Variants in ABCB5 observed in about 807,000 individuals in gnomAD.
The protein encoded by ABCB5 is ATP-binding cassette sub-family B member 5.
ABCB5 carries 155 observed loss-of-function variants against 144.2 expected under a neutral mutation model. The ratio of observed to expected loss-of-function variants is 1.08; its 90% CI spans 0.94 to 1.23. ABCB5 has a LOEUF of 1.23. Ranked by LOEUF, ABCB5 falls within the 50% of genes most tolerant of loss-of-function variation. The pLI, the probability that ABCB5 is intolerant of heterozygous loss-of-function variation, is 0.00. For synonymous variants in ABCB5, 610 were observed against 528.6 expected (o/e 1.15, Z -2.11); for missense variants, 1,830 against 1,520.8 (o/e 1.20, Z -3.38).
At chr7:20,621,769 T>C (rs1562525147) in intron 1 of ABCB5, among the ~76,000 whole-genome samples, 1 of 152,138 alleles carries the variant, frequency 6.6e-6, no homozygotes, top group Non-Finnish European at 1.5e-5. Flanking sequence ...AGTAATAAAA[T>C]CAACGCCTTG....
intron 1 of ABCB5, among the ~76,000 whole-genome samples, chr7:20,620,586 T>G (rs1165261796): frequency 6.6e-6 from 1 of 151,436 alleles, no homozygotes; most frequent in African/African-American, 2.4e-5. Context: ...GGGCAACAGA[T>G]TTGAATAGAC....
chr7:20,717,437 CTTTTTTT>C (rs557306157), intron 20 of ABCB5, among the ~76,000 whole-genome samples: 1 of 133,002 alleles, frequency 7.5e-6, no homozygotes, highest in Non-Finnish European at 1.6e-5. Flanking sequence ...CAGATTTCCT[CTTTTTTT>C]TTTTTTTTTT....
chr7:20,618,511 C>T (rs1783734936), intron 1 of ABCB5, among the ~76,000 whole-genome samples: 1 of 152,058 alleles, frequency 6.6e-6, no homozygotes, highest in Non-Finnish European at 1.5e-5. Flanking sequence ...TCCCTTCGCC[C>T]AGGTAGTGAG....
At chr7:20,732,369 T>C (rs759631008) in intron 23 of ABCB5, among the ~76,000 whole-genome samples, 12 of 152,370 alleles carry the variant, frequency 7.9e-5, no homozygotes, top group Non-Finnish European at 1.6e-4. Context: ...ACAACACTTA[T>C]GACACTTATG....
At chr7:20,688,969 G>T (rs1459923324) in intron 16 of ABCB5, among the ~76,000 whole-genome samples, 10 of 151,830 alleles carry the variant, frequency 6.6e-5, no homozygotes, top group Admixed American at 2.0e-4. Context: ...GTCTGTGGTG[G>T]GGTGGGGAGA....
chr7:20,681,004 T>TTC (rs771276676), intron 14 of ABCB5, among the ~76,000 whole-genome samples: 1 of 3,916 alleles, frequency 2.6e-4, no homozygotes, highest in African/African-American at 1.3e-3. Flanking sequence ...CTTTCTTTCT[T>TTC]TCTTTCTTTC....
At chr7:20,708,660 T>C (rs1398076084) in intron 20 of ABCB5, among the ~76,000 whole-genome samples, 1 of 152,152 alleles carries the variant, frequency 6.6e-6, no homozygotes, top group African/African-American at 2.4e-5. Context: ...CAAGAGCAAA[T>C]GAACTTAACC....
chr7:20,753,654 T>A, intron 27 of ABCB5, 148 bp downstream of exon 27: 1 of 849,448 alleles, frequency 1.2e-6, no homozygotes, highest in African/African-American at 1.7e-5. Flanking sequence ...TTTGGACCTT[T>A]ACAAAAAGGT....
intron 15 of ABCB5, among the ~76,000 whole-genome samples, chr7:20,683,952 A>C (rs1376641676): frequency 9.6e-6 from 1 of 103,802 alleles, no homozygotes; most frequent in African/African-American, 3.8e-5. Flanking sequence ...GGTCACTACA[A>C]GTTGACTCTA....
chr7:20,622,013 T>C (rs1260283269), intron 1 of ABCB5, among the ~76,000 whole-genome samples: 1 of 152,096 alleles, frequency 6.6e-6, no homozygotes, highest in African/African-American at 2.4e-5. Flanking sequence ...GAACACAACG[T>C]GCTTTACCTG....
intron 27 of ABCB5, 89 bp from the exon 28 acceptor site, chr7:20,755,338 G>A (rs566210247): frequency 1.7e-6 from 2 of 1,144,294 alleles, no homozygotes; most frequent in South Asian, 1.4e-5. Context: ...AAGCAAAGAA[G>A]GTTATTAGAC....
chr7:20,652,591 T>A (rs1784634088), intron 13 of ABCB5, among the ~76,000 whole-genome samples: 1 of 152,070 alleles, frequency 6.6e-6, no homozygotes, highest in Non-Finnish European at 1.5e-5. Flanking sequence ...AAATCATATT[T>A]GGAAAGCAAT....
rs991674303 is a variant in ABCB5 at position 20,636,813 on chromosome 7, G to T, written c.314+4700G>T. Among the ~76,000 whole-genome samples, 7 of 146,894 alleles carry T rather than the reference G, an allele frequency of 4.8e-5. No individual in the cohort carries two copies. In the South Asian group the frequency reaches 1.3e-3, roughly 27 times the overall value. ...AAAAAAAAAAAAAAAAGGAAGGAAG[G>T]AATTACCTATAATATTCAGTACATT... On this transcript the variant is annotated intron_variant, in intron 5 of 27. Transcript: ENST00000404938.
chr7:20,622,681 G>A (rs1316242617), intron 1 of ABCB5, among the ~76,000 whole-genome samples: 1 of 151,906 alleles, frequency 6.6e-6, no homozygotes, highest in East Asian at 1.9e-4. Context: ...CTTAAGACAA[G>A]GTAAGATCCT....
At chr7:20,633,396 A>G (rs1045743393) in intron 5 of ABCB5, among the ~76,000 whole-genome samples, 6 of 152,054 alleles carry the variant, frequency 3.9e-5, no homozygotes, top group Non-Finnish European at 2.9e-5. Flanking sequence ...TTTTCCCCCC[A>G]AAATGAAGAC....
In ABCB5 at chr7:20,643,230, G is replaced by A; in HGVS notation, c.361G>A (p.Gly121Ser). 1 of 1,613,290 alleles carries A rather than the reference G, an allele frequency of 6.2e-7. No individual in the cohort carries two copies. Among genetic ancestry groups the A allele is most frequent in the Non-Finnish European group, 8.5e-7 (1 of 1,179,526 alleles). ...AATAGGTGTTGCTGCCTTGATTTTT[G>A]GTTACATACAGATTTCCTTGTGGAT... ...VGIGVAALIF[G>S]YIQISLWIIT... Residue 121 changes from glycine to serine, a missense_variant, in exon 6 of 28, where the codon GGT (glycine) becomes AGT (serine). By Grantham distance (56) the Gly-to-Ser change is moderately conservative (BLOSUM62 0). Coordinates refer to ENST00000404938, the MANE Select transcript of ABCB5 (RefSeq NM_001163941.2).
chr7:20,721,605 A>C (rs1334075566), intron 20 of ABCB5, among the ~76,000 whole-genome samples: 1 of 152,208 alleles, frequency 6.6e-6, no homozygotes, highest in Non-Finnish European at 1.5e-5. Flanking sequence ...CCTCTCCAAC[A>C]CAAAGCTTCA....
At chr7:20,746,462 T>C (rs1292207281) in intron 26 of ABCB5, among the ~76,000 whole-genome samples, 1 of 152,208 alleles carries the variant, frequency 6.6e-6, no homozygotes, top group African/African-American at 2.4e-5. Context: ...CTAAACATCC[T>C]ATTTTTAAAA....
chr7:20,655,085 AAG>A lies in ABCB5; in HGVS notation c.1537-3407_1537-3406del, dbSNP rs144922459. 5.9e-5 allele frequency among the ~76,000 whole-genome samples: 7 copies of A among 118,264 alleles called. 1 individual carries two copies. The highest frequency in any genetic ancestry group is 4.9e-4 in the South Asian group (2 of 4,116). 77.6% of individuals were successfully genotyped at this position (118,264 alleles called of 152,430 possible). ...AGTATAACTGTAGCAAAGCTGAAAA[AAG>A]AGAGAGAGAGAGAAAAGAGATGGCC... On this transcript the variant is annotated intron_variant, in intron 13 of 27. Coordinates refer to ENST00000404938, the MANE Select transcript of ABCB5 (RefSeq NM_001163941.2).
Sources: allele counts gnomAD v4.1 joint callset (sites outside exome capture counted in the v4.1 genomes callset), GRCh38; gene constraint gnomAD v4.1.1; transcripts MANE v1.5; gene names NCBI Gene and HGNC (gene_info 2026-07-23, HGNC 2026-07-21).